The following FHIT variants were observed in gnomAD, a reference collection of about 807,000 sequenced individuals.
FHIT encodes bis(5'-adenosyl)-triphosphatase.
A neutral mutation model predicts 17.9 loss-of-function variants in FHIT; 19 were observed. The observed-to-expected ratio is 1.06, with a 90% confidence interval of 0.74 to 1.56. The LOEUF (loss-of-function observed/expected upper bound fraction) is 1.56. FHIT is among the 40% of genes most tolerant of loss of function. FHIT has a pLI of 0.00. For missense variants in FHIT, 248 were observed against 189.2 expected, an observed-to-expected ratio of 1.31 and a Z score of -1.82; for synonymous variants, 81 against 69.7, an observed-to-expected ratio of 1.16 and a Z score of -0.81.
chr3:60,631,247 A>C (rs571752210), intron 4 of FHIT, among the ~76,000 whole-genome samples: 1 of 152,154 alleles, frequency 6.6e-6, no homozygotes, highest in Non-Finnish European at 1.5e-5. Flanking sequence ...AAGAGGTATA[A>C]TATCATTTTG....
intron 5 of FHIT, among the ~76,000 whole-genome samples, chr3:60,061,862 T>A (rs1209348266): frequency 6.6e-6 from 1 of 152,178 alleles, no homozygotes; most frequent in Non-Finnish European, 1.5e-5. Context: ...GAGATGAATT[T>A]CAGCCAGAAG....
chr3:60,835,923 GT>G (rs1320991404), intron 3 of FHIT, among the ~76,000 whole-genome samples: 2 of 152,162 alleles, frequency 1.3e-5, no homozygotes, highest in Non-Finnish European at 2.9e-5. Flanking sequence ...CCACTTACTA[GT>G]TTTAAGAGTT....
chr3:61,092,279 G>T (rs1197501208), intron 2 of FHIT, among the ~76,000 whole-genome samples: 1 of 152,088 alleles, frequency 6.6e-6, no homozygotes, highest in Non-Finnish European at 1.5e-5. Flanking sequence ...GAGGAGTACA[G>T]ATACTGAGCA....
chr3:60,335,254 A>G (rs1325311667), intron 5 of FHIT, among the ~76,000 whole-genome samples: 1 of 152,226 alleles, frequency 6.6e-6, no homozygotes, highest in East Asian at 1.9e-4. Context: ...AATTTAAAAT[A>G]TCTTCAGAAG....
At chr3:60,645,844 A>T (rs1041157893) in intron 4 of FHIT, among the ~76,000 whole-genome samples, 1 of 152,182 alleles carries the variant, frequency 6.6e-6, no homozygotes, top group Non-Finnish European at 1.5e-5. Flanking sequence ...GCTTTCACTG[A>T]TCACTGCTGA....
At chr3:59,793,015 C>A (rs1243751005) in intron 8 of FHIT, among the ~76,000 whole-genome samples, 1 of 152,040 alleles carries the variant, frequency 6.6e-6, no homozygotes, top group Non-Finnish European at 1.5e-5. Context: ...TTGTTTATTC[C>A]TTTTTCCAGG....
chr3:60,386,967 C>G (rs980759793), intron 5 of FHIT, among the ~76,000 whole-genome samples: 2 of 151,702 alleles, frequency 1.3e-5, no homozygotes, highest in African/African-American at 2.4e-5. Context: ...TCTTGAAAGT[C>G]CCCACTTGGT....
At chr3:60,071,866 C>T (rs1702787917) in intron 5 of FHIT, among the ~76,000 whole-genome samples, 1 of 152,152 alleles carries the variant, frequency 6.6e-6, no homozygotes, top group South Asian at 2.1e-4. Context: ...CTAATGAGAT[C>T]TGATGGTTTT....
intron 5 of FHIT, among the ~76,000 whole-genome samples, chr3:60,121,133 G>T (rs1449571621): frequency 6.6e-6 from 1 of 152,060 alleles, no homozygotes; most frequent in Admixed American, 6.5e-5. Flanking sequence ...CATTTAAGAA[G>T]TGGGCAATTT....
At chr3:59,827,712 G>A (rs766492820) in intron 8 of FHIT, among the ~76,000 whole-genome samples, 11 of 152,054 alleles carry the variant, frequency 7.2e-5, no homozygotes, top group Non-Finnish European at 1.2e-4. Context: ...CATGCCAAAG[G>A]GTCTTAACCA....
intron 5 of FHIT, among the ~76,000 whole-genome samples, chr3:60,396,118 C>G (rs1701429942): frequency 6.6e-6 from 1 of 152,132 alleles, no homozygotes; most frequent in African/African-American, 2.4e-5. Context: ...GGTATTGTCA[C>G]TCGCCAGTTC....
chr3:60,463,954 G>C (rs1196216973), intron 5 of FHIT, among the ~76,000 whole-genome samples: 2 of 152,194 alleles, frequency 1.3e-5, no homozygotes, highest in African/African-American at 4.8e-5. Flanking sequence ...GGCCATTCTA[G>C]CAAGTGTGTG....
chr3:60,365,770 T>C (rs1370720064), intron 5 of FHIT, among the ~76,000 whole-genome samples: 4 of 152,228 alleles, frequency 2.6e-5, no homozygotes, highest in South Asian at 2.1e-4. Flanking sequence ...CCTGGTCTAG[T>C]GTTTTTAAAT....
chr3:60,467,101 T>C (rs1391563153), intron 5 of FHIT, among the ~76,000 whole-genome samples: 1 of 152,004 alleles, frequency 6.6e-6, no homozygotes, highest in East Asian at 1.9e-4. Context: ...TGGTAGGTTG[T>C]GTGTGTCTAG....
intron 5 of FHIT, among the ~76,000 whole-genome samples, chr3:60,512,417 C>G (rs746709690): frequency 3.9e-5 from 6 of 152,216 alleles, no homozygotes; most frequent in Non-Finnish European, 7.3e-5. Context: ...AGCTTACTTA[C>G]TTCTGAAAAT....
intron 8 of FHIT, among the ~76,000 whole-genome samples, chr3:59,907,967 C>T (rs1258671329): frequency 6.6e-6 from 1 of 152,210 alleles, no homozygotes; most frequent in Non-Finnish European, 1.5e-5. Context: ...TCTGACACTA[C>T]TTATTTTGCC....
chr3:59,830,387 G>C (rs1701124097), intron 8 of FHIT, among the ~76,000 whole-genome samples: 1 of 152,110 alleles, frequency 6.6e-6, no homozygotes, highest in African/African-American at 2.4e-5. Context: ...ACTTTCATTG[G>C]AACATTTTCA....
chr3:61,111,505 A>G (rs1377874584), intron 2 of FHIT, among the ~76,000 whole-genome samples: 1 of 152,222 alleles, frequency 6.6e-6, no homozygotes, highest in Non-Finnish European at 1.5e-5. Flanking sequence ...AGTACCTGAC[A>G]CATCACAGGC....
chr3:60,701,622 T>C (rs1474617942), intron 4 of FHIT, among the ~76,000 whole-genome samples: 1 of 152,082 alleles, frequency 6.6e-6, no homozygotes, highest in Non-Finnish European at 1.5e-5. Context: ...AGCTGATCTA[T>C]GGAGTGTAGG....
Sources: allele counts gnomAD v4.1 joint callset (sites outside exome capture counted in the v4.1 genomes callset), GRCh38; gene constraint gnomAD v4.1.1; transcripts MANE v1.5; gene names NCBI Gene and HGNC (gene_info 2026-07-23, HGNC 2026-07-21).